The following HLA-DOA variants were observed in gnomAD, a reference collection of about 807,000 sequenced individuals.
The protein encoded by HLA-DOA is major histocompatibility complex, class II, DO alpha.
In HLA-DOA, 27 loss-of-function variants were observed where a neutral mutation model predicts 22.9. That is an observed-to-expected ratio of 1.18 (90% CI 0.87 to 1.62). The LOEUF is 1.62. Among genes scored for constraint, HLA-DOA ranks in the 40% most tolerant of loss-of-function variants. The pLI is 0.00. For missense variants in HLA-DOA, 324 were observed against 332.4 expected, an observed-to-expected ratio of 0.97 and a Z score of 0.20; for synonymous variants, 137 against 138.6, an observed-to-expected ratio of 0.99 and a Z score of 0.08.
Position 33,007,500 on chromosome 6 carries a change from CA to C in HLA-DOA, c.423del (p.Val142Ter), listed in dbSNP as rs1387014623. 4.3e-6 allele frequency: 7 copies of C among 1,612,886 alleles called. No individual in the cohort carries two copies. Among genetic ancestry groups the C allele is most frequent in the African/African-American group, 2.7e-5 (2 of 74,946 alleles). ...LICIVDNIFP[P>X]VINITWLRNG... ...TTGCGCAGCCAGGTGATATTGATCACAGGGGGGAAGATGTTGTCCACGATGC... is the reference window on the plus strand; with the variant it reads ...TTGCGCAGCCAGGTGATATTGATCACGGGGGGAAGATGTTGTCCACGATGC... On this transcript the variant is annotated frameshift_variant, in exon 3 of 5. Transcript: ENST00000229829. LOFTEE classifies it high-confidence loss of function.
chr6:33,006,719 T>G lies in HLA-DOA; in HGVS notation c.*119A>C, dbSNP rs751009245. 1.3e-6 allele frequency: 2 copies of G among 1,547,062 alleles called. No individual in the cohort carries two copies. The highest frequency in any genetic ancestry group is 3.3e-5 in the Admixed American group (2 of 59,930). On this transcript the variant is annotated 3_prime_UTR_variant, in exon 5 of 5. Coordinates refer to ENST00000229829, the MANE Select transcript of HLA-DOA (RefSeq NM_002119.4). ...AGGGGACCCGTAGGACAGATGTTGA[T>G]CCCACTCAAAGTCAGCACAGCGGGA...
Position 33,007,227 on chromosome 6 carries a change from A to C in HLA-DOA, c.614-12T>G. The C allele has an allele frequency of 2.5e-6, 4 of 1,613,694 alleles. No homozygotes were observed. The highest frequency in any genetic ancestry group is 3.4e-6 in the Non-Finnish European group (4 of 1,180,032). ...AGGCACCTGGAGCTCTAGGAGAGAA[A>C]GGAAGGAGTTGGTGGTATATGAAAG... On this transcript the variant is annotated splice_polypyrimidine_tract_variant and intron_variant, in intron 3 of 4. Transcript: ENST00000229829.
In HLA-DOA at chr6:33,004,645, A is replaced by G. The variant is rs1780740279; in HGVS notation, c.*2193T>C. On this transcript the variant is annotated 3_prime_UTR_variant, in exon 5 of 5. Coordinates refer to ENST00000229829, the MANE Select transcript of HLA-DOA (RefSeq NM_002119.4). ...ACACCGCTAACATGCAGGGGGGTCT[A>G]GAGAACACAGACCATGTGGATCCGA... The G allele has an allele frequency of 6.6e-6, 1 of 152,210 alleles. No individual in the cohort carries two copies. The highest frequency in any genetic ancestry group is 1.5e-5 in the Non-Finnish European group (1 of 68,066). 9.4% of individuals were successfully genotyped at this position (152,210 alleles called of 1,614,324 possible).
chr6:33,004,627 T>C lies in HLA-DOA; in HGVS notation c.*2211A>G, dbSNP rs3128935. On this transcript the variant is annotated 3_prime_UTR_variant, in exon 5 of 5. Transcript: ENST00000229829. ...TCAGTCCACAGAGAGAGAACACCGCTAACATGCAGGGGGGTCTAGAGAACA... is the reference window on the plus strand; with the variant it reads ...TCAGTCCACAGAGAGAGAACACCGCCAACATGCAGGGGGGTCTAGAGAACA... 0.1 allele frequency: 15,369 copies of C among 152,130 alleles called. 1,314 individuals are homozygous for C. Among genetic ancestry groups the C allele is most frequent in the African/African-American group, 0.23 (9,512 of 41,426 alleles). The allele number at this position is 152,130 out of a possible 1,614,324, so 9.4% of individuals were successfully genotyped here. A position where few individuals can be genotyped will look rare whatever the true frequency, so the allele number is the denominator to read the frequency against.
chr6:33,009,449 A>T lies in HLA-DOA; in HGVS notation c.82+6T>A. On this transcript the variant is annotated splice_donor_region_variant and intron_variant, in intron 1 of 4. Transcript: ENST00000229829. This position sits in a 1 kb window ranked among gnomAD's most constrained non-coding sequence, Gnocchi z 4.8. ...CCCGCCGCACCCTCCTCGCCCTCGCACTCACCCTTGGTGGCCCCTGCCTCC... is the reference window on the plus strand; with the variant it reads ...CCCGCCGCACCCTCCTCGCCCTCGCTCTCACCCTTGGTGGCCCCTGCCTCC... 1 of 1,589,828 alleles carries T rather than the reference A, an allele frequency of 6.3e-7. No homozygotes were observed. Among genetic ancestry groups the T allele is most frequent in the South Asian group, 1.1e-5 (1 of 87,688 alleles).
At position 33,009,521 on chromosome 6, in the gene HLA-DOA, C is replaced by T. The variant is rs144931749; in HGVS notation, c.16G>A (p.Gly6Arg). The T allele has an allele frequency of 2.9e-3, 4,646 of 1,605,320 alleles. 148 individuals carry two copies. The South Asian group carries it at 0.047, about 16-fold the overall frequency. Reference sequence around the variant, plus strand: ...AGGGTGTGGAACCCCAGGACCAGCCCTGCTCTGAGGGCCATTACACTCTGG... The same window carrying T: ...AGGGTGTGGAACCCCAGGACCAGCCTTGCTCTGAGGGCCATTACACTCTGG... MALRA[G>R]LVLGFHTLMT... Residue 6 changes from glycine to arginine, a missense_variant, in exon 1 of 5, where the codon GGG becomes AGG. Physicochemically the swap from Gly to Arg is moderately radical, Grantham distance 125 (BLOSUM62 -2). Coordinates refer to ENST00000229829, the MANE Select transcript of HLA-DOA (RefSeq NM_002119.4). This position sits in a 1 kb window ranked among gnomAD's most constrained non-coding sequence, Gnocchi z 4.8.
chr6:33,008,261 G>C lies in HLA-DOA; in HGVS notation c.83C>G (p.Ala28Gly), dbSNP rs764790863. Reference sequence around the variant, plus strand: ...GGGTCCGTAGGAGCCCATGTGGTCAGCTGTGTTTGGCGAGTTCAGGGTCAA... The same window carrying C: ...GGGTCCGTAGGAGCCCATGTGGTCACCTGTGTTTGGCGAGTTCAGGGTCAA... Reference protein sequence around the residue: ...LSPQEAGATKADHMGSYGPAF... With the variant: ...LSPQEAGATKGDHMGSYGPAF... Residue 28 changes from alanine to glycine, a missense_variant and splice_region_variant, in exon 2 of 5, where the codon GCT becomes GGT. Transcript: ENST00000229829. The C allele has an allele frequency of 1.2e-6, 2 of 1,612,450 alleles. No individual in the cohort carries two copies. The highest frequency in any genetic ancestry group is 1.1e-5 in the South Asian group (1 of 91,016).
In HLA-DOA at chr6:33,004,843, A is replaced by T. The variant is rs1325960417; in HGVS notation, c.*1995T>A. ...AAGAGGGTTTCTGTTACTGGCACAC[A>T]AAAAGTTTGCCTGAGATGATTCTCC... is the stretch of plus-strand genomic sequence containing the variant. On this transcript the variant is annotated 3_prime_UTR_variant, in exon 5 of 5. Transcript: ENST00000229829. The T allele has an allele frequency of 6.6e-6, 1 of 152,230 alleles. No individual in the cohort carries two copies. Among genetic ancestry groups the T allele is most frequent in the Non-Finnish European group, 1.5e-5 (1 of 68,076 alleles). The allele number at this position is 152,230 out of a possible 1,614,324, so 9.4% of individuals were successfully genotyped here.
Position 33,009,389 on chromosome 6 carries a change from C to T in HLA-DOA, c.82+66G>A. ...GAGGAACAAGCATCCTCCATGCCAC[C>T]TCCTCATGTAACCCAACTCCGTAAA... On this transcript the variant is annotated intron_variant, in intron 1 of 4. Transcript: ENST00000229829. The surrounding 1 kb of genome is among the most constrained non-coding windows in gnomAD (Gnocchi z 4.8). 8.5e-7 allele frequency: 1 copy of T among 1,174,746 alleles called. No individual in the cohort carries two copies. The highest frequency in any genetic ancestry group is 1.5e-5 in the South Asian group (1 of 65,272). 72.8% of individuals were successfully genotyped at this position (1,174,746 alleles called of 1,614,324 possible).
rs752100985 is a variant in HLA-DOA at position 33,007,062 on chromosome 6, C to T, written c.749+18G>A. The T allele has an allele frequency of 1.3e-6, 2 of 1,599,786 alleles. No individual in the cohort carries two copies. The highest frequency in any genetic ancestry group is 1.7e-6 in the Non-Finnish European group (2 of 1,172,602). ...CCACTTTCCTCCCCCACCCCCCAGACTCCCGGGGCCTCTGCACCTGGGGAC... is the reference window on the plus strand; with the variant it reads ...CCACTTTCCTCCCCCACCCCCCAGATTCCCGGGGCCTCTGCACCTGGGGAC... On this transcript the variant is annotated intron_variant, in intron 4 of 4. Transcript: ENST00000229829.
At chr6:33,008,379 A>C in intron 1 of HLA-DOA, 118 bp from the exon 2 acceptor site, 1 of 1,498,416 alleles carries the variant, frequency 6.7e-7, no homozygotes, top group Non-Finnish European at 8.8e-7. Context: ...GTGGGGACAG[A>C]GTCCTGTTCT....
Position 33,005,390 on chromosome 6 carries a change from G to A in HLA-DOA, c.*1448C>T, listed in dbSNP as rs188921606. The A allele has an allele frequency of 1.9e-3, 291 of 152,390 alleles. 1 individual carries two copies. Among genetic ancestry groups the A allele is most frequent in the Non-Finnish European group, 3.0e-3 (202 of 68,230 alleles). The allele number at this position is 152,390 out of a possible 1,614,324, so 9.4% of individuals were successfully genotyped here. ...ACCTGTAGTCCCAGCTACTCAGGAG[G>A]CTGAGGCAGGAGAATGGCTTGAACT... On this transcript the variant is annotated 3_prime_UTR_variant, in exon 5 of 5. Transcript: ENST00000229829.
chr6:33,007,764 G>T, intron 2 of HLA-DOA, 172 bp from the exon 3 acceptor site: 1 of 856,684 alleles, frequency 1.2e-6, no homozygotes, highest in Non-Finnish European at 1.8e-6. Context: ...TGGGGAGGGA[G>T]TGGGGACGCC....
Position 33,007,090 on chromosome 6 carries a change from T to C in HLA-DOA, c.739A>G (p.Ser247Gly), listed in dbSNP as rs1247088396. 4 of 1,611,702 alleles carry C rather than the reference T, an allele frequency of 2.5e-6. No homozygotes were observed. Among genetic ancestry groups the C allele is most frequent in the Non-Finnish European group, 3.4e-6 (4 of 1,178,870 alleles). The change falls in exon 4 of 5, where the codon AGT becomes GGT. Residue 247 changes from serine (S) to glycine (G), a missense_variant. Coordinates refer to ENST00000229829, the MANE Select transcript of HLA-DOA (RefSeq NM_002119.4). Reference protein sequence around the residue: ...VLIIMGTYVSSVPR With the variant: ...VLIIMGTYVSGVPR ...CCGGGGCCTCTGCACCTGGGGACAC[T>C]GGACACATATGTGCCCATGATGATG...
chr6:33,008,269 T>TCA lies in HLA-DOA; in HGVS notation c.83-9_83-8insTG. 6.2e-7 allele frequency: 1 copy of TCA among 1,612,062 alleles called. No homozygotes were observed. The highest frequency in any genetic ancestry group is 8.5e-7 in the Non-Finnish European group (1 of 1,179,626). On this transcript the variant is annotated splice_polypyrimidine_tract_variant and intron_variant, in intron 1 of 4. Coordinates refer to ENST00000229829, the MANE Select transcript of HLA-DOA (RefSeq NM_002119.4). ...AGGAGCCCATGTGGTCAGCTGTGTT[T>TCA]GGCGAGTTCAGGGTCAAGGAGAGAG...
Position 33,006,831 on chromosome 6 carries a change from A to C in HLA-DOA, c.*7T>G. 6.2e-7 allele frequency: 1 copy of C among 1,612,358 alleles called. No homozygotes were observed. The highest frequency in any genetic ancestry group is 8.5e-7 in the Non-Finnish European group (1 of 1,179,382). On this transcript the variant is annotated 3_prime_UTR_variant, in exon 5 of 5. Coordinates refer to ENST00000229829, the MANE Select transcript of HLA-DOA (RefSeq NM_002119.4). ...TCTCCCACAAGTCATTTCTCTCAGA[A>C]GGATCATTACCTAAAATAGCAGAAA...
Position 33,007,323 on chromosome 6 carries a change from G to T in HLA-DOA, c.601C>A (p.Leu201Ile), listed in dbSNP as rs1288070094. ...VEHWGLDAPL[L>I]RHWELQVPIP... ...GGGGGCTCCGTACCCCAATGCCTGA[G>T]GAGTGGCGCATCCAGGCCCCAGTGC... Residue 201 changes from leucine to isoleucine, a missense_variant, in exon 3 of 5, where the codon CTC (leucine) becomes ATC (isoleucine). By Grantham distance (5) the Leu-to-Ile change is conservative (BLOSUM62 2). Transcript: ENST00000229829. 1 of 1,612,830 alleles carries T rather than the reference G, an allele frequency of 6.2e-7. No individual in the cohort carries two copies. The highest frequency in any genetic ancestry group is 8.5e-7 in the Non-Finnish European group (1 of 1,179,836).
chr6:33,007,092 G>T lies in HLA-DOA; in HGVS notation c.737C>A (p.Ser246Tyr). The change falls in exon 4 of 5, where the codon TCC (serine) becomes TAC (tyrosine). Residue 246 changes from serine (S) to tyrosine (Y), a missense_variant. Coordinates refer to ENST00000229829, the MANE Select transcript of HLA-DOA (RefSeq NM_002119.4). Reference sequence around the variant, plus strand: ...GGGGCCTCTGCACCTGGGGACACTGGACACATATGTGCCCATGATGATGAG... The same window carrying T: ...GGGGCCTCTGCACCTGGGGACACTGTACACATATGTGCCCATGATGATGAG... ...TVLIIMGTYV[S>Y]SVPR is the part of the protein sequence containing the mutation. The T allele has an allele frequency of 6.2e-7, 1 of 1,612,498 alleles. No homozygotes were observed. The highest frequency in any genetic ancestry group is 8.5e-7 in the Non-Finnish European group (1 of 1,179,358).
chr6:33,009,516 C>A lies in HLA-DOA; in HGVS notation c.21G>T (p.Leu7=), dbSNP rs1276420819. The change falls in exon 1 of 5, where the codon CTG becomes CTT. Residue 7 remains leucine (L), a synonymous_variant. Coordinates refer to ENST00000229829, the MANE Select transcript of HLA-DOA (RefSeq NM_002119.4). The surrounding 1 kb of genome is among the most constrained non-coding windows in gnomAD (Gnocchi z 4.8). The part of the protein sequence containing the change: MALRAG[L]VLGFHTLMTL... Reference sequence around the variant, plus strand: ...TCATCAGGGTGTGGAACCCCAGGACCAGCCCTGCTCTGAGGGCCATTACAC... The same window carrying A: ...TCATCAGGGTGTGGAACCCCAGGACAAGCCCTGCTCTGAGGGCCATTACAC... 9 of 1,605,650 alleles carry A rather than the reference C, an allele frequency of 5.6e-6. No homozygotes were observed. In the African/African-American group the frequency reaches 1.2e-4, roughly 21 times the overall value.
Sources: allele counts gnomAD v4.1 joint callset, GRCh38; gene constraint gnomAD v4.1.1; non-coding constraint Gnocchi (gnomAD v3.1); transcripts MANE v1.5; gene names NCBI Gene and HGNC (gene_info 2026-07-23, HGNC 2026-07-21).